The following PGM1 variants were observed in gnomAD, a reference collection of about 807,000 sequenced individuals.
PGM1 encodes the protein phosphoglucomutase-1.
In PGM1, 52 loss-of-function variants were observed where a neutral mutation model predicts 55.6. That is an observed-to-expected ratio of 0.94 (90% CI 0.75 to 1.18). PGM1 has a LOEUF of 1.18. Among genes scored for constraint, PGM1 ranks in the 50% most tolerant of loss-of-function variants. The pLI is 0.00. For synonymous variants in PGM1, 287 were observed against 271.7 expected (o/e 1.06, Z -0.55); for missense variants, 724 against 729.3 (o/e 0.99, Z 0.08).
In PGM1 at chr1:63,636,357, C is replaced by T. The variant is rs775557419; in HGVS notation, c.997C>T (p.Arg333Trp). The part of the protein sequence containing the change: ...FQQTGVRGFA[R>W]SMPTSGALDR... ...GCAGACTGGGGTCCGCGGCTTTGCA[C>T]GGAGCATGCCCACGAGTGGTGCTCT... is the stretch of plus-strand genomic sequence containing the variant. The change falls in exon 6 of 11, where the codon CGG (arginine) becomes TGG (tryptophan). Residue 333 changes from arginine (R) to tryptophan (W), a missense_variant. Arg to Trp is a moderately radical substitution (Grantham distance 101). Transcript: ENST00000371084. 5.6e-6 allele frequency: 9 copies of T among 1,613,968 alleles called. No individual in the cohort carries two copies. The highest frequency in any genetic ancestry group is 4.5e-5 in the East Asian group (2 of 44,878).
intron 1 of PGM1, among the ~76,000 whole-genome samples, chr1:63,618,307 A>G (rs1648795378): frequency 6.6e-6 from 1 of 152,218 alleles, no homozygotes; most frequent in Admixed American, 6.5e-5. Flanking sequence ...ACTTATAAAT[A>G]TAATACAGTC....
chr1:63,635,767 G>T (rs1489716684), intron 5 of PGM1, among the ~76,000 whole-genome samples: 2 of 152,220 alleles, frequency 1.3e-5, no homozygotes, highest in Non-Finnish European at 2.9e-5. Flanking sequence ...TGTGATGAGT[G>T]CATTCTGGGA....
intron 1 of PGM1, among the ~76,000 whole-genome samples, chr1:63,617,814 G>A (rs1008118371): frequency 1.9e-4 from 27 of 145,394 alleles, no homozygotes; most frequent in African/African-American, 6.1e-4. Context: ...CAGCACATCT[G>A]TTTCATTTTC....
chr1:63,604,101 G>A (rs1438351086), intron 1 of PGM1, among the ~76,000 whole-genome samples: 1 of 151,888 alleles, frequency 6.6e-6, no homozygotes, highest in Non-Finnish European at 1.5e-5. Context: ...TCCCTGTCAA[G>A]GCTTGATCTT....
chr1:63,623,532 T>A (rs1463480134), intron 1 of PGM1: 6 of 1,612,736 alleles, frequency 3.7e-6, no homozygotes, highest in Non-Finnish European at 5.1e-6. Context: ...CTCTGTTGAC[T>A]TTTGCTACAG....
chr1:63,642,404 C>G (rs1649540449), intron 7 of PGM1, among the ~76,000 whole-genome samples: 1 of 152,152 alleles, frequency 6.6e-6, no homozygotes, highest in Non-Finnish European at 1.5e-5. Flanking sequence ...TAAATGGGGA[C>G]CAGAACTGGA....
chr1:63,656,429 C>G (rs1011740232), intron 10 of PGM1, among the ~76,000 whole-genome samples: 1 of 152,162 alleles, frequency 6.6e-6, no homozygotes, highest in Non-Finnish European at 1.5e-5. Context: ...CCAGTAATCC[C>G]TCTTCTGGGT....
chr1:63,593,960 A>C, intron 1 of PGM1: 2 of 1,195,890 alleles, frequency 1.7e-6, no homozygotes, highest in Non-Finnish European at 2.1e-6. Context: ...TGCTCGCCTG[A>C]CTCCCGGGGC....
At chr1:63,646,321 T>A (rs1340908468) in intron 7 of PGM1, among the ~76,000 whole-genome samples, 2 of 152,212 alleles carry the variant, frequency 1.3e-5, no homozygotes, top group Non-Finnish European at 2.9e-5. Context: ...GACTGCTTTC[T>A]TTCAGAATAA....
chr1:63,644,628 T>A (rs192866025), intron 7 of PGM1, among the ~76,000 whole-genome samples: 221 of 152,328 alleles, frequency 1.5e-3, no homozygotes, highest in African/African-American at 5.1e-3. Flanking sequence ...CGAAACAGTA[T>A]CTAGTAGTTA....
In PGM1 at chr1:63,596,242, TTTTTTC is replaced by T. The variant is rs1648064981; in HGVS notation, c.246+2511_246+2516del. Among the ~76,000 whole-genome samples the T allele has an allele frequency of 3.4e-5, 5 of 145,798 alleles. No individual in the cohort carries two copies. In the South Asian group the frequency reaches 6.3e-4, roughly 18 times the overall value. On this transcript the variant is annotated intron_variant, in intron 1 of 10. Transcript: ENST00000371084. Reference sequence around the variant, plus strand: ...GGTTTCTTTCTTCTTTCTTTCTTTCTTTTTTCTTCTTCTTTTTTTTTTTTTTTTTTT... The same window carrying T: ...GGTTTCTTTCTTCTTTCTTTCTTTCTTTCTTCTTTTTTTTTTTTTTTTTTT...
chr1:63,644,162 G>C (rs1649593026), intron 7 of PGM1, among the ~76,000 whole-genome samples: 1 of 152,218 alleles, frequency 6.6e-6, no homozygotes, highest in South Asian at 2.1e-4. Context: ...CCCAGGATGT[G>C]CCCTGGCTGA....
intron 1 of PGM1, among the ~76,000 whole-genome samples, chr1:63,608,608 CT>C (rs141712838): frequency 0.018 from 2,814 of 152,210 alleles, 36 homozygotes; most frequent in Non-Finnish European, 0.028. Context: ...TCCATGGGGA[CT>C]TTGAAAAATG....
rs1649326748 is a variant in PGM1, at chr1:63,635,023, G to T, written c.873+4G>T. On this transcript the variant is annotated splice_donor_region_variant and intron_variant, in intron 5 of 10. Transcript: ENST00000371084. ...GGCTGCCTTTGATGGAGATGGGGTG[G>T]GTATAAGTGCATTTAAGTGAACTCT... 1 of 1,612,636 alleles carries T rather than the reference G, an allele frequency of 6.2e-7. No individual in the cohort carries two copies. The highest frequency in any genetic ancestry group is 1.3e-5 in the African/African-American group (1 of 74,850).
chr1:63,652,718 G>A (rs1649842900), intron 9 of PGM1, among the ~76,000 whole-genome samples: 1 of 152,186 alleles, frequency 6.6e-6, no homozygotes, highest in African/African-American at 2.4e-5. Context: ...ATAGGGTTTG[G>A]AAGGGCCGGG....
At position 63,618,495 on chromosome 1, in the gene PGM1, A is replaced by G. The variant is rs183266394; in HGVS notation, c.247-10930A>G. ...GATAAACTAATATCCCACATTTCTT[A>G]AATGTATTTCAAATGCCAAATATAC... On this transcript the variant is annotated intron_variant, in intron 1 of 10. Transcript: ENST00000371084. Among the ~76,000 whole-genome samples the G allele has an allele frequency of 7.2e-5, 11 of 152,314 alleles. No homozygotes were observed. The East Asian group carries it at 1.9e-3, about 27-fold the overall frequency.
intron 7 of PGM1, among the ~76,000 whole-genome samples, chr1:63,645,857 C>T (rs946953165): frequency 4.6e-5 from 7 of 152,008 alleles, no homozygotes; most frequent in Admixed American, 3.9e-4. Flanking sequence ...AGTTATTTAC[C>T]GTATTCCTTG....
At position 63,610,025 on chromosome 1, in the gene PGM1, A is replaced by G. The variant is rs750070302; in HGVS notation, c.246+16291A>G. On this transcript the variant is annotated intron_variant, in intron 1 of 10. Coordinates refer to ENST00000371084, the MANE Select transcript of PGM1 (RefSeq NM_002633.3). ...GTTCATAGTAGTGGGTTGGAAGTGAAGACTTTGAGATTTTGCTTCAAATTT... is the reference window on the plus strand; with the variant it reads ...GTTCATAGTAGTGGGTTGGAAGTGAGGACTTTGAGATTTTGCTTCAAATTT... Among the ~76,000 whole-genome samples the G allele has an allele frequency of 2.6e-5, 4 of 152,334 alleles. No homozygotes were observed. The South Asian group carries it at 8.3e-4, about 32-fold the overall frequency.
chr1:63,616,968 C>T (rs531279177), intron 1 of PGM1, among the ~76,000 whole-genome samples: 10 of 152,170 alleles, frequency 6.6e-5, no homozygotes, highest in Admixed American at 4.6e-4. Flanking sequence ...CTAATACTTA[C>T]GCAGGGCTTG....
Sources: gnomAD v4.1 joint callset for allele counts (sites outside exome capture counted in the v4.1 genomes callset) on GRCh38, gnomAD v4.1.1 for gene constraint, MANE v1.5 for transcripts, NCBI Gene and HGNC (gene_info 2026-07-23, HGNC 2026-07-21) for gene names.